TNIK: variants seen among roughly 807,000 people sequenced by gnomAD.
The protein encoded by TNIK is TRAF2 and NCK-interacting protein kinase.
TNIK carries 49 observed loss-of-function variants against 191.3 expected under a neutral mutation model. That is an observed-to-expected ratio of 0.26 (90% confidence interval 0.20 to 0.32). TNIK has a LOEUF of 0.32. Among genes scored for constraint, TNIK ranks in the 10% least tolerant of loss-of-function variants. The pLI is 1.00. For missense variants in TNIK, 1,155 were observed against 1,702.3 expected (o/e 0.68, Z 5.66); for synonymous variants, 594 against 600.9 (o/e 0.99, Z 0.17).
chr3:171,432,233 T>A (rs1470921703), intron 1 of TNIK, among the ~76,000 whole-genome samples: 1 of 152,166 alleles, frequency 6.6e-6, no homozygotes, highest in East Asian at 1.9e-4. Context: ...ATACCTATGC[T>A]GTGAAAGACA....
intron 12 of TNIK, among the ~76,000 whole-genome samples, chr3:171,154,853 A>G (rs926276183): frequency 6.6e-6 from 1 of 152,208 alleles, no homozygotes; most frequent in Non-Finnish European, 1.5e-5. Context: ...TCTTCTCTCC[A>G]CCATTTAATT....
chr3:171,197,003 C>T (rs1283356022), intron 4 of TNIK, among the ~76,000 whole-genome samples: 1 of 152,226 alleles, frequency 6.6e-6, no homozygotes, highest in Non-Finnish European at 1.5e-5. Flanking sequence ...GATCCGCCCG[C>T]CTCGGCCTCC....
intron 2 of TNIK, among the ~76,000 whole-genome samples, chr3:171,235,137 G>A (rs1205994482): frequency 6.6e-6 from 1 of 152,154 alleles, no homozygotes; most frequent in East Asian, 1.9e-4. Flanking sequence ...CACCTCCTGG[G>A]TTCAAGTGAT....
chr3:171,460,168 C>T lies in TNIK; in HGVS notation c.-105G>A. Reference sequence around the variant, plus strand: ...TCGCGTCCTCATGCGGGTGTCGCGCCAGAGGCCCCGGGCCCAGCCTCCCCC... The same window carrying T: ...TCGCGTCCTCATGCGGGTGTCGCGCTAGAGGCCCCGGGCCCAGCCTCCCCC... On this transcript the variant is annotated 5_prime_UTR_variant, in exon 1 of 33. Transcript: ENST00000436636. This position sits in a 1 kb window ranked among gnomAD's most constrained non-coding sequence, Gnocchi z 6.8. 1 of 1,433,790 alleles carries T rather than the reference C, an allele frequency of 7.0e-7. No individual in the cohort carries two copies. Among genetic ancestry groups the T allele is most frequent in the Non-Finnish European group, 9.5e-7 (1 of 1,051,416 alleles). 88.8% of individuals were successfully genotyped at this position (1,433,790 alleles called of 1,614,324 possible). A position where few individuals can be genotyped will look rare whatever the true frequency, so the allele number is the denominator to read the frequency against.
chr3:171,147,841 A>G (rs1313652508), intron 12 of TNIK, among the ~76,000 whole-genome samples: 2 of 152,182 alleles, frequency 1.3e-5, no homozygotes, highest in African/African-American at 2.4e-5. Context: ...TTTATATTCC[A>G]TGCCTGACTC....
At chr3:171,231,219 C>T (rs1743584534) in intron 2 of TNIK, among the ~76,000 whole-genome samples, 2 of 151,954 alleles carry the variant, frequency 1.3e-5, no homozygotes, top group African/African-American at 4.8e-5. Context: ...GTGGGCAGTT[C>T]TTGTTGGAAT....
At chr3:171,343,836 G>T (rs1711697051) in intron 2 of TNIK, among the ~76,000 whole-genome samples, 1 of 152,096 alleles carries the variant, frequency 6.6e-6, no homozygotes, top group Non-Finnish European at 1.5e-5. Flanking sequence ...AGAGGTGTTT[G>T]GTGGTTTACC....
Position 171,084,144 on chromosome 3 carries a change from C to G in TNIK, c.3169+11G>C, listed in dbSNP as rs1479998271. On this transcript the variant is annotated intron_variant, in intron 26 of 32. Transcript: ENST00000436636. Reference sequence around the variant, plus strand: ...TATTTAAAAAAAAAAAAAAAAAAAGCACCAACATACCCCACAGAGCTGCAC... The same window carrying G: ...TATTTAAAAAAAAAAAAAAAAAAAGGACCAACATACCCCACAGAGCTGCAC... 1 of 1,458,398 alleles carries G rather than the reference C, an allele frequency of 6.9e-7. No homozygotes were observed. The highest frequency in any genetic ancestry group is 2.5e-5 in the East Asian group (1 of 39,762). The allele number at this position is 1,458,398 out of a possible 1,614,324, so 90.3% of individuals were successfully genotyped here. A position where few individuals can be genotyped will look rare whatever the true frequency, so the allele number is the denominator to read the frequency against.
At chr3:171,338,503 G>A (rs1757198417) in intron 2 of TNIK, among the ~76,000 whole-genome samples, 2 of 151,898 alleles carry the variant, frequency 1.3e-5, no homozygotes, top group Non-Finnish European at 2.9e-5. Flanking sequence ...TATTTTTTCT[G>A]TTGGAGACAA....
chr3:171,087,074 G>A (rs548953393), intron 24 of TNIK, among the ~76,000 whole-genome samples: 1 of 152,304 alleles, frequency 6.6e-6, no homozygotes, highest in African/African-American at 2.4e-5. Context: ...CAAACCAGCT[G>A]TGTGTCTTGG....
At chr3:171,209,449 TTTTAC>T (rs561815826) in intron 4 of TNIK, among the ~76,000 whole-genome samples, 11 of 152,216 alleles carry the variant, frequency 7.2e-5, no homozygotes, top group Non-Finnish European at 1.5e-4. Flanking sequence ...TTATTTGCAT[TTTTAC>T]TTTATGTTTT....
chr3:171,205,201 C>A (rs1314347249), intron 4 of TNIK, among the ~76,000 whole-genome samples: 1 of 152,130 alleles, frequency 6.6e-6, no homozygotes, highest in Non-Finnish European at 1.5e-5. Flanking sequence ...TATTAATTTC[C>A]TAACTATTAT....
chr3:171,381,792 G>A (rs750541779), intron 1 of TNIK, among the ~76,000 whole-genome samples: 1 of 152,202 alleles, frequency 6.6e-6, no homozygotes, highest in Non-Finnish European at 1.5e-5. Context: ...TGGGAGAAGG[G>A]TTCTTCTGTC....
intron 1 of TNIK, among the ~76,000 whole-genome samples, chr3:171,452,803 T>A (rs1298788231): frequency 6.6e-6 from 1 of 151,322 alleles, no homozygotes; most frequent in Non-Finnish European, 1.5e-5. Context: ...CATGGTATTT[T>A]AAATCTCTCA....
intron 3 of TNIK, among the ~76,000 whole-genome samples, chr3:171,220,544 G>A (rs192495254): frequency 2.5e-3 from 379 of 152,268 alleles, no homozygotes; most frequent in Non-Finnish European, 3.6e-3. Flanking sequence ...TATGAGGTGG[G>A]AAGTGTTGGC....
chr3:171,201,667 C>T (rs1343651759), intron 4 of TNIK, among the ~76,000 whole-genome samples: 1 of 152,018 alleles, frequency 6.6e-6, no homozygotes, highest in Non-Finnish European at 1.5e-5. Context: ...TATAGAAATA[C>T]AAAATACAAA....
intron 2 of TNIK, among the ~76,000 whole-genome samples, chr3:171,253,175 T>A (rs368484348): frequency 5.6e-4 from 85 of 151,130 alleles, no homozygotes; most frequent in African/African-American, 2.0e-3. Flanking sequence ...TCCCAGCTGC[T>A]TGGGAGGTTG....
chr3:171,188,618 C>A, intron 7 of TNIK, 84 bp downstream of exon 7: 2 of 1,496,724 alleles, frequency 1.3e-6, no homozygotes, highest in East Asian at 4.6e-5. Context: ...TGACATAAAT[C>A]ATAAATATAA....
chr3:171,097,919 A>T (rs1722944939), intron 22 of TNIK, among the ~76,000 whole-genome samples: 1 of 152,224 alleles, frequency 6.6e-6, no homozygotes, highest in Non-Finnish European at 1.5e-5. Flanking sequence ...AAAACTGGAA[A>T]ATTTGAGCAA....
Sources: gnomAD v4.1 joint callset for allele counts (sites outside exome capture counted in the v4.1 genomes callset) on GRCh38, gnomAD v4.1.1 for gene constraint, Gnocchi (gnomAD v3.1) non-coding constraint, MANE v1.5 for transcripts, NCBI Gene and HGNC (gene_info 2026-07-23, HGNC 2026-07-21) for gene names.